The following PARD3B variants were observed in gnomAD, a reference collection of about 807,000 sequenced individuals.
PARD3B encodes partitioning defective 3 homolog B.
PARD3B carries 103 observed loss-of-function variants against 130.2 expected under a neutral mutation model. The ratio of observed to expected loss-of-function variants is 0.79; its 90% CI spans 0.67 to 0.93. PARD3B has a LOEUF of 0.93. PARD3B is among the 40% of genes least tolerant of loss of function. The probability of loss-of-function intolerance (pLI) is 0.00; values close to 1 mark genes in which losing one functional copy is unlikely to be tolerated. For synonymous variants in PARD3B, 583 were observed against 553.2 expected, an observed-to-expected ratio of 1.05 and a Z score of -0.76; for missense variants, 1,609 against 1,499.2, an observed-to-expected ratio of 1.07 and a Z score of -1.21.
At chr2:204,663,881 C>T (rs915817471) in intron 1 of PARD3B, among the ~76,000 whole-genome samples, 4 of 152,080 alleles carry the variant, frequency 2.6e-5, no homozygotes, top group African/African-American at 9.7e-5. Flanking sequence ...GAATTCATGC[C>T]CCCATGATTT....
At chr2:204,807,171 A>G (rs908616159) in intron 2 of PARD3B, among the ~76,000 whole-genome samples, 8 of 152,140 alleles carry the variant, frequency 5.3e-5, no homozygotes, top group South Asian at 4.1e-4. Flanking sequence ...CCGTGATTCA[A>G]TTACCTCTAC....
At chr2:205,093,339 C>A (rs1032546826) in intron 4 of PARD3B, among the ~76,000 whole-genome samples, 3 of 152,108 alleles carry the variant, frequency 2.0e-5, no homozygotes, top group Non-Finnish European at 4.4e-5. Context: ...GGATGAGACT[C>A]ATTCCCCACC....
At chr2:205,074,597 G>A (rs968346226) in intron 4 of PARD3B, among the ~76,000 whole-genome samples, 4 of 152,162 alleles carry the variant, frequency 2.6e-5, no homozygotes, top group Non-Finnish European at 5.9e-5. Flanking sequence ...TGAGCTCTTA[G>A]TAATCATGGC....
intron 2 of PARD3B, among the ~76,000 whole-genome samples, chr2:204,921,897 G>A (rs1575313708): frequency 6.6e-6 from 1 of 152,150 alleles, no homozygotes; most frequent in East Asian, 1.9e-4. Context: ...AGATGCAAAA[G>A]TTATTACAAA....
intron 4 of PARD3B, among the ~76,000 whole-genome samples, chr2:205,083,662 C>G (rs1701570816): frequency 1.3e-5 from 2 of 151,370 alleles, no homozygotes; most frequent in Admixed American, 1.3e-4. Flanking sequence ...TTAATGATTT[C>G]AAATGTGGCT....
intron 18 of PARD3B, among the ~76,000 whole-genome samples, chr2:205,385,416 C>T (rs545341896): frequency 7.2e-5 from 11 of 152,222 alleles, no homozygotes; most frequent in African/African-American, 2.4e-4. Flanking sequence ...GGTACACAGT[C>T]TAAATTGCAA....
rs1461647013 is a variant in PARD3B, at chr2:204,890,016, A to G, written c.223-75136A>G. 2.0e-5 allele frequency among the ~76,000 whole-genome samples: 3 copies of G among 152,222 alleles called. No homozygotes were observed. The highest frequency in any genetic ancestry group is 1.3e-4 in the Admixed American group (2 of 15,282). ...TCTCCTTCTATAGAAAGAGGTATAC[A>G]GTGTTTTTTTCTGGAAAGTTAATTT... On this transcript the variant is annotated intron_variant, in intron 2 of 22. Transcript: ENST00000406610. The surrounding 1 kb of genome is among the most constrained non-coding windows in gnomAD (Gnocchi z 4.9).
At chr2:205,282,836 A>T (rs1332518199) in intron 16 of PARD3B, among the ~76,000 whole-genome samples, 1 of 152,164 alleles carries the variant, frequency 6.6e-6, no homozygotes, top group African/African-American at 2.4e-5. Context: ...TCCAGAGAAC[A>T]AAAAGAAGGT....
chr2:205,014,354 TAC>T (rs970089711), intron 3 of PARD3B, among the ~76,000 whole-genome samples: 7 of 152,216 alleles, frequency 4.6e-5, no homozygotes, highest in African/African-American at 1.7e-4. Context: ...CTGTCACATG[TAC>T]AGTTATTGGC....
intron 22 of PARD3B, among the ~76,000 whole-genome samples, chr2:205,560,950 G>A (rs3732092): frequency 0.57 from 86,112 of 151,992 alleles, 24,873 homozygotes; most frequent in Middle Eastern, 0.73. Context: ...TACGCCATAA[G>A]AGCATGCTTC....
chr2:205,514,222 T>G (rs1432341554), intron 21 of PARD3B, among the ~76,000 whole-genome samples: 2 of 152,142 alleles, frequency 1.3e-5, no homozygotes, highest in Admixed American at 6.6e-5. Flanking sequence ...TTGGTCACTC[T>G]TATCATTTCT....
intron 2 of PARD3B, among the ~76,000 whole-genome samples, chr2:204,820,437 A>T (rs1380297470): frequency 6.6e-6 from 1 of 151,922 alleles, no homozygotes; most frequent in Non-Finnish European, 1.5e-5. Flanking sequence ...GTCACCTAGG[A>T]CTCTGATAGC....
intron 15 of PARD3B, among the ~76,000 whole-genome samples, chr2:205,227,626 A>T (rs761773850): frequency 9.9e-5 from 15 of 151,954 alleles, no homozygotes; most frequent in Non-Finnish European, 2.1e-4. Context: ...TTTTTTTTTA[A>T]ATCTATTCAG....
intron 3 of PARD3B, among the ~76,000 whole-genome samples, chr2:205,030,449 C>G (rs1202496289): frequency 6.6e-6 from 1 of 151,984 alleles, no homozygotes; most frequent in East Asian, 1.9e-4. Flanking sequence ...TCACCATATC[C>G]AAATACAGCA....
At position 205,522,435 on chromosome 2, in the gene PARD3B, G is replaced by A. The variant is rs540424996; in HGVS notation, c.3180+22404G>A. On this transcript the variant is annotated intron_variant, in intron 21 of 22. Transcript: ENST00000406610. ...AAGCTCTGTAGTCAAGGACAGCGACGTCTCCCATTTTTGCCTGGTGGCATT... is the reference window on the plus strand; with the variant it reads ...AAGCTCTGTAGTCAAGGACAGCGACATCTCCCATTTTTGCCTGGTGGCATT... Among the ~76,000 whole-genome samples, 33 of 151,864 alleles carry A rather than the reference G, an allele frequency of 2.2e-4. No individual in the cohort carries two copies. The South Asian group carries it at 5.8e-3, about 27-fold the overall frequency.
chr2:204,617,438 C>T (rs2034149622), intron 1 of PARD3B, among the ~76,000 whole-genome samples: 2 of 152,164 alleles, frequency 1.3e-5, no homozygotes, highest in South Asian at 4.1e-4. Context: ...GCAGGGCAGA[C>T]TAGGTCTTTT....
chr2:205,007,594 T>C (rs761346350), intron 3 of PARD3B, among the ~76,000 whole-genome samples: 2 of 152,226 alleles, frequency 1.3e-5, no homozygotes, highest in Non-Finnish European at 2.9e-5. Flanking sequence ...TGTAGTGTAA[T>C]TGGAAGTCAG....
chr2:205,200,544 A>G (rs2036932290), intron 15 of PARD3B, among the ~76,000 whole-genome samples: 1 of 152,194 alleles, frequency 6.6e-6, no homozygotes, highest in African/African-American at 2.4e-5. Context: ...TGATTTCTCC[A>G]GAATTGAAGA....
intron 11 of PARD3B, among the ~76,000 whole-genome samples, chr2:205,168,783 G>A (rs1217078707): frequency 1.3e-5 from 2 of 151,756 alleles, no homozygotes; most frequent in African/African-American, 4.8e-5. Context: ...ATATCTGGTA[G>A]CATATTGTCC....
Sources: allele counts gnomAD v4.1 joint callset (sites outside exome capture counted in the v4.1 genomes callset), GRCh38; gene constraint gnomAD v4.1.1; non-coding constraint Gnocchi (gnomAD v3.1); transcripts MANE v1.5; gene names NCBI Gene and HGNC (gene_info 2026-07-23, HGNC 2026-07-21).